NAXD: variants seen among roughly 807,000 people sequenced by gnomAD.
NAXD encodes the protein NAD(P)HX dehydratase, also known as ATP-dependent (S)-NAD(P)H-hydrate dehydratase.
NAXD carries 22 observed loss-of-function variants against 35.8 expected under a neutral mutation model. The ratio of observed to expected loss-of-function variants is 0.62; its 90% CI spans 0.44 to 0.88. The LOEUF (loss-of-function observed/expected upper bound fraction) is 0.88, where lower values mean the gene tolerates loss of function less well. Among genes scored for constraint, NAXD ranks in the 40% least tolerant of loss-of-function variants. The pLI, the probability that NAXD is intolerant of heterozygous loss-of-function variation, is 0.00. For synonymous variants in NAXD, 189 were observed against 177.6 expected (o/e 1.06, Z -0.51); for missense variants, 428 against 437.7 (o/e 0.98, Z 0.20).
chr13:110,618,076 G>C (rs1886127962), intron 1 of NAXD, among the ~76,000 whole-genome samples: 1 of 152,148 alleles, frequency 6.6e-6, no homozygotes, highest in Non-Finnish European at 1.5e-5. Context: ...CATGTAGGTT[G>C]TCTGTGTGCT....
In NAXD at chr13:110,638,532, C is replaced by T. The variant is rs757437174; in HGVS notation, c.*4C>T. The T allele has an allele frequency of 1.2e-5, 20 of 1,611,512 alleles. No homozygotes were observed. Among genetic ancestry groups the T allele is most frequent in the Non-Finnish European group, 1.5e-5 (18 of 1,179,036 alleles). On this transcript the variant is annotated 3_prime_UTR_variant, in exon 10 of 10. Transcript: ENST00000680254. This position sits in a 1 kb window ranked among gnomAD's most constrained non-coding sequence, Gnocchi z 5.4. ...CAGCAAGCTCTTTGAAACCTGAGCC[C>T]GCGCAGACCAGAAGTAAACAGGCAC... is the stretch of plus-strand genomic sequence containing the variant.
At position 110,638,383 on chromosome 13, in the gene NAXD, GC is replaced by G; in HGVS notation, c.848del (p.Pro283LeufsTer33). ...TGCTGTCCCCCTCTCCGCAGGTCCA[GC>G]CCTCTCCTGGTGGCCGCGTTTGGCG... is the stretch of plus-strand genomic sequence containing the variant. Reference protein sequence around the residue: ...LAGPQKTNGSSPLLVAAFGAC... With the variant: ...LAGPQKTNGSXPLLVAAFGAC... On this transcript the variant is annotated frameshift_variant, in exon 10 of 10. Transcript: ENST00000680254. LOFTEE classifies it low-confidence loss of function (END_TRUNC). The surrounding 1 kb of genome is among the most constrained non-coding windows in gnomAD (Gnocchi z 5.4). 6.2e-7 allele frequency: 1 copy of G among 1,613,822 alleles called. No individual in the cohort carries two copies. Among genetic ancestry groups the G allele is most frequent in the South Asian group, 1.1e-5 (1 of 91,082 alleles).
Position 110,638,369 on chromosome 13 carries a change from T to C in NAXD, c.840-9T>C, listed in dbSNP as rs1207544304. On this transcript the variant is annotated splice_polypyrimidine_tract_variant and intron_variant, in intron 9 of 9. Transcript: ENST00000680254. This position sits in a 1 kb window ranked among gnomAD's most constrained non-coding sequence, Gnocchi z 5.4. ...TTCCCCACACCTCCTGCTGTCCCCC[T>C]CTCCGCAGGTCCAGCCCTCTCCTGG... The C allele has an allele frequency of 1.2e-6, 2 of 1,613,544 alleles. No homozygotes were observed. Among genetic ancestry groups the C allele is most frequent in the South Asian group, 2.2e-5 (2 of 91,056 alleles).
intron 1 of NAXD, chr13:110,616,040 G>GGGGCCGA (rs1886039480): frequency 5.3e-6 from 2 of 377,198 alleles, no homozygotes; most frequent in Admixed American, 4.6e-5. Flanking sequence ...CGGGGAACGG[G>GGGGCCGA]GGGCCGAGGG....
At chr13:110,633,237 C>T (rs549035864) in intron 5 of NAXD, among the ~76,000 whole-genome samples, 2 of 152,174 alleles carry the variant, frequency 1.3e-5, no homozygotes, top group African/African-American at 4.8e-5. Flanking sequence ...GGCACTGCTG[C>T]AGGACCCAGT....
At chr13:110,632,574 ATTAG>A in intron 5 of NAXD, among the ~76,000 whole-genome samples, 1 of 152,238 alleles carries the variant, frequency 6.6e-6, no homozygotes, top group East Asian at 1.9e-4. Context: ...TCCCCATCAG[ATTAG>A]TTAGATACAG....
intron 5 of NAXD, among the ~76,000 whole-genome samples, chr13:110,631,462 A>C (rs3783097): frequency 0.15 from 22,883 of 152,144 alleles, 2,015 homozygotes; most frequent in Admixed American, 0.27. Context: ...TAGTGTACCA[A>C]GGTTTGCTTT....
chr13:110,623,859 G>C (rs1218732990), intron 2 of NAXD, among the ~76,000 whole-genome samples: 1 of 152,064 alleles, frequency 6.6e-6, no homozygotes, highest in Non-Finnish European at 1.5e-5. Flanking sequence ...AAAATTAGCC[G>C]GGTGTGGTGG....
At chr13:110,619,437 A>G (rs1199643009) in intron 1 of NAXD, among the ~76,000 whole-genome samples, 1 of 152,200 alleles carries the variant, frequency 6.6e-6, no homozygotes, top group African/African-American at 2.4e-5. Context: ...TTCATCAGGC[A>G]GGGTACATTG....
In NAXD at chr13:110,621,211, C is replaced by T. The variant is rs368454871; in HGVS notation, c.47-1005C>T. On this transcript the variant is annotated intron_variant, in intron 1 of 9. Coordinates refer to ENST00000680254, the MANE Select transcript of NAXD (RefSeq NM_001242882.2). ...TGAATCTGTCAGACTTCTGAGCACC[C>T]CAGCGGATTACAGGTGGGAGCTTGC... Among the ~76,000 whole-genome samples the T allele has an allele frequency of 5.3e-5, 8 of 152,292 alleles. No individual in the cohort carries two copies. In the East Asian group the frequency reaches 9.6e-4, roughly 18 times the overall value.
chr13:110,635,335 G>A, intron 7 of NAXD, 133 bp from the exon 8 acceptor site: 1 of 1,016,572 alleles, frequency 9.8e-7, no homozygotes, highest in East Asian at 2.4e-5. Context: ...CCACCTACAT[G>A]GCCTTTAACA....
intron 1 of NAXD, among the ~76,000 whole-genome samples, chr13:110,616,613 C>T (rs529040850): frequency 7.8e-4 from 119 of 152,286 alleles, no homozygotes; most frequent in African/African-American, 2.3e-3. Context: ...TGCTTGGAGC[C>T]CCATCTCTTC....
chr13:110,637,077 C>A, intron 8 of NAXD, 52 bp from the exon 9 acceptor site: 2 of 1,565,862 alleles, frequency 1.3e-6, no homozygotes, highest in African/African-American at 2.8e-5. Flanking sequence ...GCTACTGTCA[C>A]ATTCACACAC....
Position 110,638,565 on chromosome 13 carries a change from G to A in NAXD, c.*37G>A, listed in dbSNP as rs150141078. ...CCAGAAGTAAACAGGCACCTTGGACGGGGGAGAGCGTGTGTGTGATGGGAA... is the reference window on the plus strand; with the variant it reads ...CCAGAAGTAAACAGGCACCTTGGACAGGGGAGAGCGTGTGTGTGATGGGAA... On this transcript the variant is annotated 3_prime_UTR_variant, in exon 10 of 10. Transcript: ENST00000680254. The surrounding 1 kb of genome is among the most constrained non-coding windows in gnomAD (Gnocchi z 5.4). 1,891 of 1,608,532 alleles carry A rather than the reference G, an allele frequency of 1.2e-3. 17 individuals carry two copies. The African/African-American group carries it at 0.021, about 18-fold the overall frequency.
chr13:110,618,474 A>G (rs1030507205), intron 1 of NAXD, among the ~76,000 whole-genome samples: 1 of 152,224 alleles, frequency 6.6e-6, no homozygotes, highest in Non-Finnish European at 1.5e-5. Flanking sequence ...AGATAAAGGA[A>G]TAGCTCAGAA....
intron 3 of NAXD, 138 bp downstream of exon 3, chr13:110,624,417 A>T: frequency 1.6e-6 from 1 of 629,174 alleles, no homozygotes; most frequent in Non-Finnish European, 2.8e-6. Flanking sequence ...AACACCGTTA[A>T]GTCTATCCTG....
At chr13:110,622,836 G>A (rs1886319199) in intron 2 of NAXD, among the ~76,000 whole-genome samples, 1 of 152,156 alleles carries the variant, frequency 6.6e-6, no homozygotes, top group South Asian at 2.1e-4. Context: ...TGGGTGTGAA[G>A]GATACCTTCT....
At chr13:110,625,087 C>A in intron 3 of NAXD, 103 bp from the exon 4 acceptor site, 1 of 817,846 alleles carries the variant, frequency 1.2e-6, no homozygotes, top group South Asian at 1.5e-5. Flanking sequence ...GTTTCTCATG[C>A]ACGTCACCAG....
chr13:110,627,643 C>T (rs1396334624), intron 5 of NAXD, 96 bp downstream of exon 5: 19 of 807,944 alleles, frequency 2.4e-5, no homozygotes, highest in Admixed American at 1.5e-4. Flanking sequence ...TGTAGTGTTC[C>T]GTGTGCCTCT....
Sources: gnomAD v4.1 joint callset for allele counts (sites outside exome capture counted in the v4.1 genomes callset) on GRCh38, gnomAD v4.1.1 for gene constraint, Gnocchi (gnomAD v3.1) non-coding constraint, MANE v1.5 for transcripts, NCBI Gene and HGNC (gene_info 2026-07-23, HGNC 2026-07-21) for gene names.